The following CLSTN2 variants were observed in gnomAD, a reference collection of about 807,000 sequenced individuals.
CLSTN2 encodes calsyntenin 2, also known as calsyntenin-2.
In CLSTN2, 48 loss-of-function variants were observed where a neutral mutation model predicts 101.2. The observed-to-expected ratio is 0.47, with a 90% confidence interval of 0.38 to 0.60. The LOEUF is 0.60. CLSTN2 is among the 20% of genes least tolerant of loss of function. The probability of loss-of-function intolerance (pLI) is 0.00; values close to 1 mark genes in which losing one functional copy is unlikely to be tolerated. For missense variants in CLSTN2, 1,160 were observed against 1,238.2 expected (o/e 0.94, Z 0.95); for synonymous variants, 481 against 463.6 (o/e 1.04, Z -0.48).
intron 2 of CLSTN2, among the ~76,000 whole-genome samples, chr3:140,209,042 T>G (rs2010820909): frequency 6.6e-6 from 1 of 152,232 alleles, no homozygotes; most frequent in Admixed American, 6.5e-5. Context: ...TTACTACCAT[T>G]GCAGCACCTT....
At chr3:140,514,840 A>G (rs143038965) in intron 8 of CLSTN2, among the ~76,000 whole-genome samples, 16 of 152,210 alleles carry the variant, frequency 1.1e-4, no homozygotes, top group African/African-American at 3.6e-4. Flanking sequence ...TTGCAGAAGT[A>G]AGGTGGAATT....
chr3:140,373,582 C>A (rs2087883002), intron 2 of CLSTN2, among the ~76,000 whole-genome samples: 1 of 152,192 alleles, frequency 6.6e-6, no homozygotes, highest in African/African-American at 2.4e-5. Context: ...GCTGCCCATC[C>A]AGAGTGCAGA....
chr3:140,293,636 G>A (rs1230278637), intron 2 of CLSTN2, among the ~76,000 whole-genome samples: 2 of 152,156 alleles, frequency 1.3e-5, no homozygotes, highest in Admixed American at 6.5e-5. Flanking sequence ...TGAGGGAAAG[G>A]ATGAGTTGAG....
intron 5 of CLSTN2, among the ~76,000 whole-genome samples, chr3:140,429,198 A>G (rs1405819013): frequency 6.6e-6 from 1 of 151,420 alleles, no homozygotes; most frequent in Non-Finnish European, 1.5e-5. Context: ...GGTGGGAAAT[A>G]TTTTTTTTTG....
intron 2 of CLSTN2, among the ~76,000 whole-genome samples, chr3:140,221,883 T>A (rs1264775401): frequency 1.3e-5 from 2 of 152,126 alleles, no homozygotes; most frequent in Non-Finnish European, 2.9e-5. Flanking sequence ...AGTAAATTAG[T>A]ACAAGTACTA....
intron 2 of CLSTN2, among the ~76,000 whole-genome samples, chr3:140,368,458 T>A (rs951619183): frequency 1.3e-5 from 2 of 152,196 alleles, no homozygotes; most frequent in Non-Finnish European, 2.9e-5. Flanking sequence ...CTGGAAGTCC[T>A]GTTAAATGGC....
At chr3:140,386,892 G>A (rs1246531135) in intron 2 of CLSTN2, among the ~76,000 whole-genome samples, 2 of 152,166 alleles carry the variant, frequency 1.3e-5, no homozygotes, top group Admixed American at 6.5e-5. Flanking sequence ...TGGAGTATGC[G>A]CCTGTGCCCT....
At chr3:140,473,815 T>C (rs1319454499) in intron 8 of CLSTN2, among the ~76,000 whole-genome samples, 1 of 152,126 alleles carries the variant, frequency 6.6e-6, no homozygotes, top group Admixed American at 6.5e-5. Context: ...TGGAGTGCAG[T>C]GGTGCGATCT....
intron 8 of CLSTN2, chr3:140,508,873 C>A (rs891914220): frequency 6.6e-6 from 1 of 152,234 alleles, no homozygotes; most frequent in African/African-American, 2.4e-5. Context: ...AGGAAGAAAG[C>A]CTGGCGGGCC....
chr3:140,379,802 A>T (rs1358383585), intron 2 of CLSTN2, among the ~76,000 whole-genome samples: 1 of 152,282 alleles, frequency 6.6e-6, no homozygotes, highest in East Asian at 1.9e-4. Flanking sequence ...ATCTTATAAT[A>T]TGAAATGAAG....
intron 1 of CLSTN2, among the ~76,000 whole-genome samples, chr3:139,937,777 T>C (rs1011301870): frequency 7.2e-5 from 11 of 151,938 alleles, no homozygotes; most frequent in African/African-American, 2.4e-4. Flanking sequence ...AAACTAGACA[T>C]TTGTTTTTCC....
At chr3:140,042,590 T>A (rs891449784) in intron 1 of CLSTN2, among the ~76,000 whole-genome samples, 1 of 152,168 alleles carries the variant, frequency 6.6e-6, no homozygotes, top group Non-Finnish European at 1.5e-5. Flanking sequence ...TTGTTACATA[T>A]GTGTACGTGC....
chr3:139,939,106 A>G (rs538706549), intron 1 of CLSTN2, among the ~76,000 whole-genome samples: 1 of 152,266 alleles, frequency 6.6e-6, no homozygotes, highest in Admixed American at 6.5e-5. Context: ...GGCAAAGGAG[A>G]TGGGAGTGCA....
rs141757753 is a variant in CLSTN2 at position 140,074,584 on chromosome 3, A to G, written c.110-101367A>G. Among the ~76,000 whole-genome samples the G allele has an allele frequency of 3.9e-4, 60 of 152,316 alleles. No individual in the cohort carries two copies. In the East Asian group the frequency reaches 0.011, roughly 29 times the overall value. On this transcript the variant is annotated intron_variant, in intron 1 of 16. Coordinates refer to ENST00000458420, the MANE Select transcript of CLSTN2 (RefSeq NM_022131.3). The stretch of plus-strand genomic sequence containing the variant: ...GTAAAAATAATAATAGTAATACTCA[A>G]TGCAGCTGAGTACTCTTTAATGTTC...
chr3:140,500,138 G>A (rs867302320), intron 8 of CLSTN2, among the ~76,000 whole-genome samples: 5 of 152,106 alleles, frequency 3.3e-5, no homozygotes, highest in Admixed American at 6.5e-5. Context: ...GGAGCTCAGG[G>A]CTCCCAAGTG....
At chr3:140,090,115 G>T (rs1001809938) in intron 1 of CLSTN2, among the ~76,000 whole-genome samples, 17 of 148,038 alleles carry the variant, frequency 1.1e-4, no homozygotes, top group African/African-American at 3.3e-4. Flanking sequence ...TGGAGGGGAG[G>T]TTATCTTGGG....
At chr3:140,302,676 C>A (rs1256013432) in intron 2 of CLSTN2, among the ~76,000 whole-genome samples, 1 of 152,170 alleles carries the variant, frequency 6.6e-6, no homozygotes, top group Non-Finnish European at 1.5e-5. Flanking sequence ...AACTCTCATC[C>A]AAGGTTGGAA....
intron 5 of CLSTN2, among the ~76,000 whole-genome samples, chr3:140,441,554 C>T (rs1409339213): frequency 6.6e-6 from 1 of 152,192 alleles, no homozygotes. Flanking sequence ...TAAGTAACTG[C>T]CGAAGGTGCA....
chr3:140,496,744 G>T (rs1010580374), intron 8 of CLSTN2, among the ~76,000 whole-genome samples: 5 of 152,156 alleles, frequency 3.3e-5, no homozygotes, highest in African/African-American at 1.2e-4. Context: ...CCTGTAGGGG[G>T]TGTCTGGAGA....
Sources: gnomAD v4.1 joint callset for allele counts (sites outside exome capture counted in the v4.1 genomes callset) on GRCh38, gnomAD v4.1.1 for gene constraint, MANE v1.5 for transcripts, NCBI Gene and HGNC (gene_info 2026-07-23, HGNC 2026-07-21) for gene names.